Variants in CDKAL1 observed in about 807,000 individuals in gnomAD.
The protein encoded by CDKAL1 is threonylcarbamoyladenosine tRNA methylthiotransferase.
Under a neutral mutation model 68.2 loss-of-function variants are expected in CDKAL1, and 32 were observed. The ratio of observed to expected loss-of-function variants is 0.47; its 90% CI spans 0.35 to 0.63. The LOEUF (loss-of-function observed/expected upper bound fraction) is 0.63. Among genes scored for constraint, CDKAL1 ranks in the 30% least tolerant of loss-of-function variants. The pLI is 0.00. For synonymous variants in CDKAL1, 234 were observed against 244.3 expected (o/e 0.96, Z 0.39); for missense variants, 606 against 696.7 (o/e 0.87, Z 1.47).
At chr6:20,768,134 G>GTGTTGGGTGC (rs1332519148) in intron 7 of CDKAL1, among the ~76,000 whole-genome samples, 3 of 152,330 alleles carry the variant, frequency 2.0e-5, no homozygotes, top group South Asian at 4.1e-4. Flanking sequence ...AGTCAGCGCT[G>GTGTTGGGTGC]TGTTGGGTGC....
chr6:20,749,730 G>A (rs1448270243), intron 6 of CDKAL1, among the ~76,000 whole-genome samples: 2 of 151,738 alleles, frequency 1.3e-5, no homozygotes, highest in Non-Finnish European at 2.9e-5. Flanking sequence ...TGTATTTTTA[G>A]TAGAGATGGG....
chr6:20,693,641 C>G (rs970279702), intron 5 of CDKAL1, among the ~76,000 whole-genome samples: 1 of 152,320 alleles, frequency 6.6e-6, no homozygotes, highest in South Asian at 2.1e-4. Context: ...ACAGCAGCAG[C>G]CTTGCTTTCT....
At chr6:20,917,632 AT>A (rs1762777779) in intron 9 of CDKAL1, among the ~76,000 whole-genome samples, 1 of 151,814 alleles carries the variant, frequency 6.6e-6, no homozygotes, top group African/African-American at 2.4e-5. Flanking sequence ...CAGTGTGTAA[AT>A]TTTTTTCCCT....
chr6:20,942,511 T>A (rs531184915), intron 9 of CDKAL1, among the ~76,000 whole-genome samples: 1 of 148,300 alleles, frequency 6.7e-6, no homozygotes, highest in Admixed American at 6.6e-5. Context: ...GGGATTACAG[T>A]TGGGTGCCAT....
At chr6:20,873,937 T>G (rs1433928886) in intron 9 of CDKAL1, among the ~76,000 whole-genome samples, 1 of 152,074 alleles carries the variant, frequency 6.6e-6, no homozygotes, top group Non-Finnish European at 1.5e-5. Flanking sequence ...ATTTGGAGGT[T>G]AAGGAGTAGT....
chr6:20,819,650 T>C (rs1208967170), intron 8 of CDKAL1, among the ~76,000 whole-genome samples: 1 of 152,164 alleles, frequency 6.6e-6, no homozygotes, highest in Non-Finnish European at 1.5e-5. Context: ...TATCTTGTGC[T>C]ATATCGAACG....
chr6:20,957,572 C>G (rs942773739), intron 10 of CDKAL1, among the ~76,000 whole-genome samples: 2 of 152,162 alleles, frequency 1.3e-5, no homozygotes, highest in African/African-American at 4.8e-5. Context: ...TCATGTTGGC[C>G]TTTCCTCCTA....
At chr6:21,076,709 G>A (rs1160953849) in intron 12 of CDKAL1, among the ~76,000 whole-genome samples, 1 of 152,048 alleles carries the variant, frequency 6.6e-6, no homozygotes, top group East Asian at 1.9e-4. Flanking sequence ...ATACCCATAG[G>A]GAAGACCCTT....
intron 8 of CDKAL1, among the ~76,000 whole-genome samples, chr6:20,836,491 G>T (rs1226517216): frequency 7.2e-5 from 11 of 152,058 alleles, no homozygotes; most frequent in Admixed American, 2.0e-4. Context: ...TGGCTTTTTA[G>T]GGTTATACTC....
intron 5 of CDKAL1, among the ~76,000 whole-genome samples, chr6:20,715,059 C>T (rs185547134): frequency 2.3e-4 from 35 of 152,274 alleles, no homozygotes; most frequent in African/African-American, 8.2e-4. Flanking sequence ...CTGCCTGTGG[C>T]AAGAGCAGTT....
intron 5 of CDKAL1, among the ~76,000 whole-genome samples, chr6:20,655,101 C>T (rs763771744): frequency 1.2e-4 from 18 of 152,120 alleles, no homozygotes; most frequent in Non-Finnish European, 2.4e-4. Context: ...ACTTTTTTCT[C>T]CCAATGTAGA....
At chr6:20,838,245 A>G (rs1778037692) in intron 8 of CDKAL1, among the ~76,000 whole-genome samples, 1 of 152,096 alleles carries the variant, frequency 6.6e-6, no homozygotes, top group African/African-American at 2.4e-5. Flanking sequence ...AAAATCTCCT[A>G]CTATGGTAGG....
intron 13 of CDKAL1, among the ~76,000 whole-genome samples, chr6:21,165,716 G>A (rs1317688099): frequency 3.3e-5 from 5 of 152,214 alleles, no homozygotes; most frequent in Non-Finnish European, 7.3e-5. Context: ...CAGAGGATGA[G>A]TAGGACACTT....
intron 5 of CDKAL1, among the ~76,000 whole-genome samples, chr6:20,662,381 G>A (rs991106672): frequency 6.6e-6 from 1 of 152,172 alleles, no homozygotes; most frequent in African/African-American, 2.4e-5. Context: ...AGGAGTGGCA[G>A]GTAATATGCA....
At chr6:20,893,986 T>C (rs889905377) in intron 9 of CDKAL1, among the ~76,000 whole-genome samples, 2 of 152,202 alleles carry the variant, frequency 1.3e-5, no homozygotes, top group Non-Finnish European at 2.9e-5. Context: ...AATGGTGTGA[T>C]TATAAATGGA....
At chr6:20,630,339 G>A (rs889924221) in intron 4 of CDKAL1, among the ~76,000 whole-genome samples, 3 of 152,036 alleles carry the variant, frequency 2.0e-5, no homozygotes, top group South Asian at 2.1e-4. Flanking sequence ...CTCTGATCAC[G>A]TTTCCTAAGG....
intron 8 of CDKAL1, among the ~76,000 whole-genome samples, chr6:20,809,390 T>C (rs1382736514): frequency 6.6e-6 from 1 of 152,202 alleles, no homozygotes; most frequent in East Asian, 1.9e-4. Flanking sequence ...AAAATCAAAT[T>C]TAGAAGTACA....
At chr6:21,152,397 A>C (rs144699329) in intron 13 of CDKAL1, among the ~76,000 whole-genome samples, 4 of 152,370 alleles carry the variant, frequency 2.6e-5, no homozygotes, top group Non-Finnish European at 5.9e-5. Flanking sequence ...CAATAGGTAC[A>C]GGCATTCAGC....
chr6:20,861,395 G>A (rs1406078283), intron 9 of CDKAL1, among the ~76,000 whole-genome samples: 2 of 152,198 alleles, frequency 1.3e-5, no homozygotes, highest in African/African-American at 2.4e-5. Context: ...GAGGCCATGT[G>A]TGCCATGGGC....
Sources: allele counts gnomAD v4.1 joint callset (sites outside exome capture counted in the v4.1 genomes callset), GRCh38; gene constraint gnomAD v4.1.1; transcripts MANE v1.5; gene names NCBI Gene and HGNC (gene_info 2026-07-23, HGNC 2026-07-21).